BMP2K: variants seen among roughly 807,000 people sequenced by gnomAD.
The protein encoded by BMP2K is BMP2 inducible kinase.
In BMP2K, 74 loss-of-function variants were observed where a neutral mutation model predicts 116.0. That is an observed-to-expected ratio of 0.64 (90% CI 0.53 to 0.77). The LOEUF (loss-of-function observed/expected upper bound fraction) is 0.77. Ranked by LOEUF, BMP2K falls within the 30% of genes least tolerant of loss-of-function variation. BMP2K has a pLI of 0.00. For synonymous variants in BMP2K, 486 were observed against 502.5 expected, an observed-to-expected ratio of 0.97 and a Z score of 0.44; for missense variants, 1,365 against 1,403.6, an observed-to-expected ratio of 0.97 and a Z score of 0.44.
intron 13 of BMP2K, among the ~76,000 whole-genome samples, chr4:78,878,199 A>G: frequency 6.6e-6 from 1 of 152,146 alleles, no homozygotes; most frequent in Admixed American, 6.5e-5. Flanking sequence ...GTAGCTATAT[A>G]TAGGGAATGC....
intron 2 of BMP2K, among the ~76,000 whole-genome samples, chr4:78,827,312 T>C (rs1052425151): frequency 6.6e-6 from 1 of 152,072 alleles, no homozygotes; most frequent in Non-Finnish European, 1.5e-5. Context: ...CCAGAGTCAA[T>C]GTCTATTCCT....
chr4:78,851,136 C>A, intron 7 of BMP2K, 80 bp downstream of exon 7: 2 of 1,286,600 alleles, frequency 1.6e-6, no homozygotes, highest in Non-Finnish European at 2.0e-6. Flanking sequence ...TTACTTAAAT[C>A]TAGTCTTAAT....
intron 2 of BMP2K, among the ~76,000 whole-genome samples, chr4:78,827,972 C>T (rs1729961900): frequency 6.6e-6 from 1 of 152,174 alleles, no homozygotes; most frequent in African/African-American, 2.4e-5. Context: ...TAGAATCCAG[C>T]AGCACGTCAC....
intron 2 of BMP2K, among the ~76,000 whole-genome samples, chr4:78,827,648 C>T (rs190138727): frequency 1.3e-5 from 2 of 152,086 alleles, no homozygotes; most frequent in Non-Finnish European, 2.9e-5. Context: ...CTTTAATGCA[C>T]CCCTCAAATT....
chr4:78,818,017 T>TG (rs1729435797), intron 1 of BMP2K, among the ~76,000 whole-genome samples: 1 of 152,110 alleles, frequency 6.6e-6, no homozygotes. Context: ...CTAAAATGGA[T>TG]GGGGGAGGCA....
intron 1 of BMP2K, among the ~76,000 whole-genome samples, chr4:78,815,451 C>T (rs1174132902): frequency 6.6e-6 from 1 of 151,942 alleles, no homozygotes; most frequent in African/African-American, 2.4e-5. Flanking sequence ...AGATGATAGC[C>T]TAATTTGAAG....
intron 3 of BMP2K, among the ~76,000 whole-genome samples, chr4:78,838,025 A>C (rs529911713): frequency 6.6e-6 from 1 of 152,316 alleles, no homozygotes; most frequent in African/African-American, 2.4e-5. Flanking sequence ...GAGACAGGGC[A>C]ATTTACAAAA....
chr4:78,909,495 C>A (rs1403867618), intron 15 of BMP2K, among the ~76,000 whole-genome samples: 1 of 152,120 alleles, frequency 6.6e-6, no homozygotes, highest in Non-Finnish European at 1.5e-5. Context: ...CACAGTCTGG[C>A]CTTTTCCAGT....
chr4:78,897,937 A>G (rs928353392), intron 15 of BMP2K, among the ~76,000 whole-genome samples: 1 of 152,228 alleles, frequency 6.6e-6, no homozygotes, highest in Admixed American at 6.5e-5. Context: ...AAATGCTACA[A>G]TAGATAAATT....
intron 3 of BMP2K, among the ~76,000 whole-genome samples, chr4:78,837,795 C>T (rs1044649445): frequency 1.3e-5 from 2 of 152,120 alleles, no homozygotes; most frequent in African/African-American, 4.8e-5. Context: ...ATGGCCATGC[C>T]TAGCCAATTT....
intron 2 of BMP2K, among the ~76,000 whole-genome samples, chr4:78,827,505 T>C (rs1729932028): frequency 6.6e-6 from 1 of 152,154 alleles, no homozygotes; most frequent in Non-Finnish European, 1.5e-5. Context: ...GGAACATGTC[T>C]TTATTCATCC....
intron 1 of BMP2K, among the ~76,000 whole-genome samples, chr4:78,782,513 A>C (rs1416483110): frequency 1.3e-5 from 2 of 152,210 alleles, no homozygotes; most frequent in African/African-American, 4.8e-5. Context: ...CAAATTGAAG[A>C]GCACCAATGG....
chr4:78,784,682 T>C lies in BMP2K; in HGVS notation c.178+7961T>C, dbSNP rs185645092. Among the ~76,000 whole-genome samples the C allele has an allele frequency of 8.8e-4, 122 of 139,192 alleles. 3 individuals are homozygous for C. In the South Asian group the frequency reaches 0.011, roughly 12 times the overall value. The allele number at this position is 139,192 out of a possible 152,430, so 91.3% of individuals were successfully genotyped here. A position where few individuals can be genotyped will look rare whatever the true frequency, so the allele number is the denominator to read the frequency against. On this transcript the variant is annotated intron_variant, in intron 1 of 15. Transcript: ENST00000502613. ...GAGGCATTTTGCAGTAAGTATTATT[T>C]TAAAATATGGAATGATTGTTGTTAC...
intron 1 of BMP2K, among the ~76,000 whole-genome samples, chr4:78,815,727 T>TA (rs1029800060): frequency 6.6e-6 from 1 of 152,100 alleles, no homozygotes; most frequent in African/African-American, 2.4e-5. Context: ...AACATGTGGG[T>TA]AATTTTGAAT....
chr4:78,846,309 G>C (rs1730996739), intron 5 of BMP2K, among the ~76,000 whole-genome samples: 1 of 151,536 alleles, frequency 6.6e-6, no homozygotes. Flanking sequence ...TAAAAATCCT[G>C]TTTTGGTGAA....
chr4:78,858,420 A>T lies in BMP2K; in HGVS notation c.884-1164A>T, dbSNP rs1185473657. ...AATGGTGGTAAAAATTATAAAAAACATCCATTTTATAAGTGATATATGTTA... is the reference window on the plus strand; with the variant it reads ...AATGGTGGTAAAAATTATAAAAAACTTCCATTTTATAAGTGATATATGTTA... On this transcript the variant is annotated intron_variant, in intron 7 of 15. Coordinates refer to ENST00000502613, the MANE Select transcript of BMP2K (RefSeq NM_198892.2). Among the ~76,000 whole-genome samples the T allele has an allele frequency of 2.6e-5, 4 of 152,094 alleles. No individual in the cohort carries two copies. The South Asian group carries it at 8.3e-4, about 31-fold the overall frequency.
intron 1 of BMP2K, among the ~76,000 whole-genome samples, chr4:78,809,494 C>T (rs1486017487): frequency 1.3e-5 from 2 of 152,144 alleles, no homozygotes; most frequent in African/African-American, 2.4e-5. Context: ...CCTCCCATCT[C>T]TGCCTCCTGA....
chr4:78,806,565 G>T (rs886870492), intron 1 of BMP2K, among the ~76,000 whole-genome samples: 8 of 152,036 alleles, frequency 5.3e-5, no homozygotes, highest in African/African-American at 9.7e-5. Flanking sequence ...TACCTAAATT[G>T]CTTGGGCTAG....
chr4:78,830,884 G>A (rs1730175475), intron 2 of BMP2K, among the ~76,000 whole-genome samples: 1 of 152,210 alleles, frequency 6.6e-6, no homozygotes. Context: ...CTCCATGTCA[G>A]CAATAAGGCT....
Sources: allele counts gnomAD v4.1 joint callset (sites outside exome capture counted in the v4.1 genomes callset), GRCh38; gene constraint gnomAD v4.1.1; transcripts MANE v1.5; gene names NCBI Gene and HGNC (gene_info 2026-07-23, HGNC 2026-07-21).